Variants in TENM3 observed in about 807,000 individuals in gnomAD.
TENM3 encodes the protein teneurin-3.
In TENM3, 63 loss-of-function variants were observed where a neutral mutation model predicts 255.1. That is an observed-to-expected ratio of 0.25 (90% CI 0.20 to 0.30). TENM3 has a LOEUF of 0.30. Ranked by LOEUF, TENM3 falls within the 10% of genes least tolerant of loss-of-function variation. TENM3 has a pLI of 1.00. For synonymous variants in TENM3, 1,306 were observed against 1,322.3 expected, an observed-to-expected ratio of 0.99 and a Z score of 0.27; for missense variants, 2,929 against 3,461.1, an observed-to-expected ratio of 0.85 and a Z score of 3.86.
chr4:182,250,295 A>G (rs377202294), intron 1 of TENM3, among the ~76,000 whole-genome samples: 3,198 of 150,208 alleles, frequency 0.021, 114 homozygotes, highest in African/African-American at 0.075. Context: ...CTCATGATCC[A>G]CCCGCCTTAG....
At chr4:182,268,186 G>A (rs1759365307) in intron 1 of TENM3, among the ~76,000 whole-genome samples, 1 of 152,036 alleles carries the variant, frequency 6.6e-6, no homozygotes, top group African/African-American at 2.4e-5. Flanking sequence ...TATACTCTTT[G>A]TATAGGAATA....
chr4:182,118,464 G>C, the TENM3 span, among the ~76,000 whole-genome samples: 2 of 151,650 alleles, frequency 1.3e-5, no homozygotes, highest in Non-Finnish European at 2.9e-5. Flanking sequence ...TATTTTTTTA[G>C]AGATGGGGGT....
the TENM3 span, among the ~76,000 whole-genome samples, chr4:182,037,169 A>C: frequency 3.5e-5 from 5 of 143,152 alleles, no homozygotes; most frequent in African/African-American, 1.4e-4. Context: ...TTTTTGTGAC[A>C]CGGAGTCTCA....
At chr4:182,192,157 C>G (rs1459068373) in intron 1 of TENM3, among the ~76,000 whole-genome samples, 1 of 152,042 alleles carries the variant, frequency 6.6e-6, no homozygotes, top group Admixed American at 6.6e-5. Context: ...CACCGTTGCA[C>G]CCATTTTTTT....
the TENM3 span, among the ~76,000 whole-genome samples, chr4:181,550,329 C>T: frequency 6.6e-6 from 1 of 152,206 alleles, no homozygotes; most frequent in Non-Finnish European, 1.5e-5. Context: ...ACTAGTACCA[C>T]CTACCTACAG....
At chr4:182,113,220 T>C in the TENM3 span, among the ~76,000 whole-genome samples, 1 of 152,212 alleles carries the variant, frequency 6.6e-6, no homozygotes, top group Non-Finnish European at 1.5e-5. Context: ...ATCATTTCCG[T>C]TTGTTTTCTT....
chr4:182,764,655 A>C (rs1415179105), intron 22 of TENM3, among the ~76,000 whole-genome samples: 1 of 152,194 alleles, frequency 6.6e-6, no homozygotes, highest in Non-Finnish European at 1.5e-5. Context: ...TTTGGAAAGA[A>C]CACACAGCTC....
chr4:182,721,812 C>A (rs1225520381), intron 13 of TENM3, among the ~76,000 whole-genome samples: 1 of 152,044 alleles, frequency 6.6e-6, no homozygotes, highest in Non-Finnish European at 1.5e-5. Flanking sequence ...TTTTAATTTG[C>A]ATTTTCCTAA....
chr4:182,707,855 CTGCCTTGTGCTTTCCTA>C (rs1758401829), intron 12 of TENM3: 1 of 152,168 alleles, frequency 6.6e-6, no homozygotes, highest in Non-Finnish European at 1.5e-5. Flanking sequence ...ATCTGTAGAT[CTGCCTTGTGCTTTCCTA>C]CGGAATCCAT....
intron 3 of TENM3, among the ~76,000 whole-genome samples, chr4:182,356,716 A>G (rs34653654): frequency 0.018 from 2,769 of 151,742 alleles, 29 homozygotes; most frequent in Non-Finnish European, 0.029. Flanking sequence ...TAAAATTATT[A>G]TTTTTTTATT....
the TENM3 span, among the ~76,000 whole-genome samples, chr4:181,727,287 A>AGATAG: frequency 6.6e-6 from 1 of 152,210 alleles, no homozygotes. Flanking sequence ...TCCAAAAATC[A>AGATAG]CCTCATTAAC....
At chr4:182,407,794 A>G (rs536392236) in intron 3 of TENM3, among the ~76,000 whole-genome samples, 3 of 152,352 alleles carry the variant, frequency 2.0e-5, no homozygotes, top group South Asian at 2.1e-4. Flanking sequence ...CTGCTTTTCC[A>G]TAATATCTTT....
chr4:182,796,610 C>A, intron 26 of TENM3, 27 bp from the exon 27 acceptor site: 1 of 1,571,096 alleles, frequency 6.4e-7, no homozygotes, highest in Non-Finnish European at 8.6e-7. Context: ...ACTCCAACAC[C>A]TTTCATTCTG....
rs545014530 is a variant in TENM3, at chr4:182,501,146, A to G, written c.512-99778A>G. Among the ~76,000 whole-genome samples the G allele has an allele frequency of 8.7e-4, 132 of 152,302 alleles. 4 individuals carry two copies. The highest frequency in any genetic ancestry group is 3.1e-3 in the African/African-American group (128 of 41,574). On this transcript the variant is annotated intron_variant, in intron 3 of 27. Transcript: ENST00000511685. ...TTAAAATTCTAGAAAAAGTTATATCAAACAAATACTTGTCTTGCTTGGGTA... is the reference window on the plus strand; with the variant it reads ...TTAAAATTCTAGAAAAAGTTATATCGAACAAATACTTGTCTTGCTTGGGTA...
the TENM3 span, among the ~76,000 whole-genome samples, chr4:181,951,027 G>T: frequency 2.0e-4 from 30 of 152,256 alleles, no homozygotes; most frequent in Admixed American, 5.2e-4. Flanking sequence ...GGGCAACAGA[G>T]CAAGATCATA....
At chr4:181,483,387 G>A in the TENM3 span, among the ~76,000 whole-genome samples, 1 of 152,032 alleles carries the variant, frequency 6.6e-6, no homozygotes, top group East Asian at 1.9e-4. Context: ...AGAAAGGAAG[G>A]CAGAAAAAAA....
the TENM3 span, among the ~76,000 whole-genome samples, chr4:181,708,651 C>T: frequency 6.6e-6 from 1 of 151,728 alleles, no homozygotes; most frequent in African/African-American, 2.4e-5. Flanking sequence ...ATCTGAGTCC[C>T]CAGTAAGTAA....
chr4:182,773,451 G>A (rs1325641835), intron 22 of TENM3, 21 bp from the exon 23 acceptor site: 2 of 1,586,140 alleles, frequency 1.3e-6, no homozygotes, highest in South Asian at 2.3e-5. Context: ...TTAACACCAA[G>A]TTAATGCCTC....
chr4:182,197,865 G>A (rs1753925971), intron 1 of TENM3, among the ~76,000 whole-genome samples: 1 of 152,210 alleles, frequency 6.6e-6, no homozygotes, highest in Non-Finnish European at 1.5e-5. Context: ...AGCACTTCGG[G>A]AGGCCGAGGC....
Sources: allele counts gnomAD v4.1 joint callset (sites outside exome capture counted in the v4.1 genomes callset), GRCh38; gene constraint gnomAD v4.1.1; transcripts MANE v1.5; gene names NCBI Gene and HGNC (gene_info 2026-07-23, HGNC 2026-07-21).